Variants in CDK17 observed in about 807,000 individuals in gnomAD.
The protein encoded by CDK17 is cyclin dependent kinase 17.
In CDK17, 24 loss-of-function variants were observed where a neutral mutation model predicts 77.6. That is an observed-to-expected ratio of 0.31 (90% CI 0.22 to 0.44). The LOEUF (loss-of-function observed/expected upper bound fraction) is 0.44, where lower values mean the gene tolerates loss of function less well. CDK17 is among the 20% of genes least tolerant of loss of function. CDK17 has a pLI of 1.00. For synonymous variants in CDK17, 203 were observed against 210.4 expected (o/e 0.96, Z 0.30); for missense variants, 429 against 622.5 (o/e 0.69, Z 3.31).
chr12:96,361,027 G>A (rs560492216), intron 1 of CDK17, among the ~76,000 whole-genome samples: 1 of 152,296 alleles, frequency 6.6e-6, no homozygotes, highest in African/African-American at 2.4e-5. Flanking sequence ...AGGAACAAAG[G>A]GAAGTCGTAG....
intron 2 of CDK17, among the ~76,000 whole-genome samples, chr12:96,326,279 C>CA: frequency 6.6e-6 from 1 of 152,206 alleles, no homozygotes; most frequent in Non-Finnish European, 1.5e-5. Flanking sequence ...GTGAACAAAA[C>CA]AAAGTACTGA....
intron 1 of CDK17, among the ~76,000 whole-genome samples, chr12:96,358,781 A>G (rs2137184750): frequency 6.6e-6 from 1 of 152,216 alleles, no homozygotes; most frequent in African/African-American, 2.4e-5. Flanking sequence ...GCTGAGATCA[A>G]GCCACTGCAC....
At chr12:96,361,324 A>C (rs1953489809) in intron 1 of CDK17, among the ~76,000 whole-genome samples, 1 of 152,220 alleles carries the variant, frequency 6.6e-6, no homozygotes, top group Non-Finnish European at 1.5e-5. Flanking sequence ...AGAAGAAGCA[A>C]ACAAAAAGGA....
chr12:96,315,078 T>C (rs1165713266), intron 3 of CDK17, among the ~76,000 whole-genome samples: 1 of 152,246 alleles, frequency 6.6e-6, no homozygotes, highest in Non-Finnish European at 1.5e-5. Flanking sequence ...TCAAGGGAAC[T>C]GCATATTAAC....
At chr12:96,328,199 C>T (rs543046585) in intron 2 of CDK17, among the ~76,000 whole-genome samples, 4 of 152,186 alleles carry the variant, frequency 2.6e-5, no homozygotes, top group South Asian at 2.1e-4. Context: ...GATAATCTAA[C>T]GCCTGATAAT....
Position 96,286,029 on chromosome 12 carries a change from A to G in CDK17, c.1322+14T>C. On this transcript the variant is annotated intron_variant, in intron 13 of 16. Transcript: ENST00000261211. ...CATGTGTTTTCCCCCCTTTCACATA[A>G]GAAAAAAAAATACCTGGGTGCGTGG... The G allele has an allele frequency of 7.3e-7, 1 of 1,373,078 alleles. No homozygotes were observed. The highest frequency in any genetic ancestry group is 1.0e-6 in the Non-Finnish European group (1 of 969,174). The allele number at this position is 1,373,078 out of a possible 1,614,324, so 85.1% of individuals were successfully genotyped here.
At chr12:96,376,218 C>G (rs1373837088) in intron 1 of CDK17, among the ~76,000 whole-genome samples, 1 of 152,166 alleles carries the variant, frequency 6.6e-6, no homozygotes, top group African/African-American at 2.4e-5. Context: ...CAACATCAGA[C>G]TATTCAATTT....
intron 3 of CDK17, among the ~76,000 whole-genome samples, chr12:96,317,654 A>G (rs1377459868): frequency 7.7e-6 from 1 of 129,532 alleles, no homozygotes. Context: ...CAACATTCTT[A>G]AAGAAAAGAA....
intron 1 of CDK17, among the ~76,000 whole-genome samples, chr12:96,364,268 T>C (rs1953547363): frequency 6.6e-6 from 1 of 152,208 alleles, no homozygotes; most frequent in African/African-American, 2.4e-5. Context: ...TTCTGTTGGG[T>C]AAAATACCTG....
intron 1 of CDK17, among the ~76,000 whole-genome samples, chr12:96,345,688 A>G (rs1565829081): frequency 6.6e-6 from 1 of 152,218 alleles, no homozygotes; most frequent in Non-Finnish European, 1.5e-5. Context: ...CTATTTATAT[A>G]CTACTAAGTT....
At chr12:96,337,588 AGTTCATTCCAATTAAGAAACCT>A (rs1311443255) in intron 1 of CDK17, among the ~76,000 whole-genome samples, 1 of 152,180 alleles carries the variant, frequency 6.6e-6, no homozygotes, top group East Asian at 1.9e-4. Context: ...TAAACCATGA[AGTTCATTCCAATTAAGAAACCT>A]GTTAATTGTA....
intron 5 of CDK17, among the ~76,000 whole-genome samples, chr12:96,300,989 G>A (rs1220381588): frequency 6.6e-6 from 1 of 152,082 alleles, no homozygotes; most frequent in African/African-American, 2.4e-5. Flanking sequence ...ATCTTATCAA[G>A]GATAACTACT....
At chr12:96,334,927 C>G in intron 1 of CDK17, 62 bp from the exon 2 acceptor site, 1 of 728,926 alleles carries the variant, frequency 1.4e-6, no homozygotes, top group East Asian at 2.6e-5. Flanking sequence ...AAGAAAAATA[C>G]CGCCTGGGTT....
chr12:96,387,174 CA>C, intron 1 of CDK17: 1 of 260,118 alleles, frequency 3.8e-6, no homozygotes, highest in Admixed American at 4.1e-5. Context: ...ACCATTTCAT[CA>C]AAAATCTCAT....
At chr12:96,393,193 T>C (rs1954101978) in intron 1 of CDK17, among the ~76,000 whole-genome samples, 1 of 150,452 alleles carries the variant, frequency 6.6e-6, no homozygotes. Flanking sequence ...TGAAACCTCA[T>C]CTCTACTAAA....
chr12:96,313,297 TA>T (rs766713107), intron 4 of CDK17, 23 bp downstream of exon 4: 2 of 1,550,958 alleles, frequency 1.3e-6, no homozygotes, highest in African/African-American at 2.8e-5. Flanking sequence ...TTCACAAGTA[TA>T]TTTGTATTTT....
At chr12:96,299,540 G>A (rs1025595749) in intron 6 of CDK17, among the ~76,000 whole-genome samples, 1 of 151,930 alleles carries the variant, frequency 6.6e-6, no homozygotes, top group Non-Finnish European at 1.5e-5. Flanking sequence ...ACAGGCGCCC[G>A]CCACCACGCC....
intron 11 of CDK17, among the ~76,000 whole-genome samples, chr12:96,287,454 T>C (rs1453769053): frequency 6.6e-6 from 1 of 152,184 alleles, no homozygotes; most frequent in Non-Finnish European, 1.5e-5. Context: ...AAGTGTTATA[T>C]AGAAAGTAAA....
intron 1 of CDK17, among the ~76,000 whole-genome samples, chr12:96,367,435 C>T (rs1008984128): frequency 2.0e-5 from 3 of 149,850 alleles, no homozygotes; most frequent in African/African-American, 2.5e-5. Context: ...CTATTTAGTG[C>T]TCACATTCTG....
Sources: allele counts gnomAD v4.1 joint callset (sites outside exome capture counted in the v4.1 genomes callset), GRCh38; gene constraint gnomAD v4.1.1; transcripts MANE v1.5; gene names NCBI Gene and HGNC (gene_info 2026-07-23, HGNC 2026-07-21).